The following DACH1 variants were observed in gnomAD, a reference collection of about 807,000 sequenced individuals.
DACH1 encodes the protein dachshund homolog 1.
In DACH1, 12 loss-of-function variants were observed where a neutral mutation model predicts 54.2. That is an observed-to-expected ratio of 0.22 (90% CI 0.14 to 0.36). The LOEUF is 0.36. Among genes scored for constraint, DACH1 ranks in the 10% least tolerant of loss-of-function variants. The probability of loss-of-function intolerance (pLI) is 1.00; values close to 1 mark genes in which losing one functional copy is unlikely to be tolerated. For synonymous variants in DACH1, 386 were observed against 366.2 expected (o/e 1.05, Z -0.62); for missense variants, 805 against 929.8 (o/e 0.87, Z 1.75).
chr13:71,791,595 A>T (rs1490598733), intron 1 of DACH1, among the ~76,000 whole-genome samples: 1 of 151,984 alleles, frequency 6.6e-6, no homozygotes, highest in Non-Finnish European at 1.5e-5. Flanking sequence ...TGTTGGCCAG[A>T]GTGGTCTCCA....
At chr13:71,749,044 G>A (rs536023319) in intron 1 of DACH1, among the ~76,000 whole-genome samples, 1 of 151,010 alleles carries the variant, frequency 6.6e-6, no homozygotes, top group African/African-American at 2.4e-5. Flanking sequence ...GAATACAGTG[G>A]CATGATCTCA....
chr13:71,865,822 G>T (rs1874711207), intron 1 of DACH1, 100 bp downstream of exon 1: 13 of 1,321,998 alleles, frequency 9.8e-6, no homozygotes, highest in Non-Finnish European at 1.2e-5. Context: ...CGCGCGGCTC[G>T]CGGGCGCGCA....
intron 1 of DACH1, among the ~76,000 whole-genome samples, chr13:71,703,503 G>A (rs1357170194): frequency 1.3e-5 from 2 of 152,222 alleles, no homozygotes; most frequent in Non-Finnish European, 2.9e-5. Context: ...TCATAAGCCA[G>A]TGAGATGTTG....
At chr13:71,614,773 G>A (rs1875624682) in intron 3 of DACH1, among the ~76,000 whole-genome samples, 2 of 149,440 alleles carry the variant, frequency 1.3e-5, no homozygotes, top group African/African-American at 4.9e-5. Flanking sequence ...AGGATTACTT[G>A]AGCTCAGCAG....
At chr13:71,718,713 C>A (rs547623337) in intron 1 of DACH1, among the ~76,000 whole-genome samples, 3 of 152,182 alleles carry the variant, frequency 2.0e-5, no homozygotes, top group Non-Finnish European at 4.4e-5. Context: ...TTTAGCTCAC[C>A]CACTGCTGAG....
At chr13:71,441,468 C>G (rs1874000229) in intron 10 of DACH1, among the ~76,000 whole-genome samples, 1 of 152,022 alleles carries the variant, frequency 6.6e-6, no homozygotes, top group South Asian at 2.1e-4. Context: ...ACCCTCTAAA[C>G]TGTCTACTTC....
At chr13:71,538,823 A>G (rs1039432647) in intron 6 of DACH1, among the ~76,000 whole-genome samples, 1 of 152,110 alleles carries the variant, frequency 6.6e-6, no homozygotes, top group African/African-American at 2.4e-5. Flanking sequence ...CACAAGATTC[A>G]GGGTCAGGTT....
intron 1 of DACH1, among the ~76,000 whole-genome samples, chr13:71,840,851 G>A (rs572991416): frequency 6.6e-6 from 1 of 152,264 alleles, no homozygotes; most frequent in Non-Finnish European, 1.5e-5. Flanking sequence ...TGGATGTGAT[G>A]TATGGGCTTG....
At chr13:71,613,641 A>T (rs1875510318) in intron 3 of DACH1, among the ~76,000 whole-genome samples, 1 of 152,132 alleles carries the variant, frequency 6.6e-6, no homozygotes, top group African/African-American at 2.4e-5. Flanking sequence ...GGTTTGGAGG[A>T]AGAATAAACA....
chr13:71,623,845 T>C (rs920217227), intron 3 of DACH1, among the ~76,000 whole-genome samples: 4 of 151,866 alleles, frequency 2.6e-5, no homozygotes, highest in Non-Finnish European at 4.4e-5. Flanking sequence ...CCTGAGTTTT[T>C]GGCTGTGTCT....
At chr13:71,838,120 G>A (rs1269684767) in intron 1 of DACH1, among the ~76,000 whole-genome samples, 1 of 151,194 alleles carries the variant, frequency 6.6e-6, no homozygotes, top group Admixed American at 6.6e-5. Context: ...TTAGTGAAGA[G>A]GTGTAAGAGA....
rs564300635 is a variant in DACH1, at chr13:71,529,353, T to C, written c.1570+27671A>G. On this transcript the variant is annotated intron_variant, in intron 6 of 10. Transcript: ENST00000613252. The stretch of plus-strand genomic sequence containing the variant: ...GGGCGCTTGACACCACGCCCAGCTA[T>C]TTTTTGTATTTTTAGTAGAAATGGG... Among the ~76,000 whole-genome samples, 5 of 151,920 alleles carry C rather than the reference T, an allele frequency of 3.3e-5. No individual in the cohort carries two copies. The South Asian group carries it at 1.0e-3, about 32-fold the overall frequency.
intron 6 of DACH1, among the ~76,000 whole-genome samples, chr13:71,526,065 C>T (rs1002494312): frequency 5.9e-5 from 9 of 152,134 alleles, no homozygotes; most frequent in African/African-American, 1.9e-4. Context: ...TTGCTTTATA[C>T]AATCTGTGTC....
intron 1 of DACH1, among the ~76,000 whole-genome samples, chr13:71,768,028 A>G (rs1319373503): frequency 6.6e-6 from 1 of 152,006 alleles, no homozygotes; most frequent in Non-Finnish European, 1.5e-5. Context: ...TCCTATTATT[A>G]GTAGTATTAA....
chr13:71,508,917 CT>C (rs1880540946), intron 6 of DACH1, among the ~76,000 whole-genome samples: 1 of 152,160 alleles, frequency 6.6e-6, no homozygotes, highest in South Asian at 2.1e-4. Context: ...ATACCACCAT[CT>C]TTGAAATTAT....
chr13:71,734,991 A>AT (rs1257586456), intron 1 of DACH1, among the ~76,000 whole-genome samples: 1 of 149,492 alleles, frequency 6.7e-6, no homozygotes, highest in African/African-American at 2.5e-5. Flanking sequence ...ATATATATAT[A>AT]TATACAGACA....
At chr13:71,571,548 T>G (rs577358382) in intron 4 of DACH1, among the ~76,000 whole-genome samples, 1 of 152,024 alleles carries the variant, frequency 6.6e-6, no homozygotes, top group Non-Finnish European at 1.5e-5. Flanking sequence ...CTCTCTGAGG[T>G]GGTGATCTTT....
intron 2 of DACH1, among the ~76,000 whole-genome samples, chr13:71,636,381 AT>A (rs1213572314): frequency 6.6e-6 from 1 of 152,060 alleles, no homozygotes; most frequent in Non-Finnish European, 1.5e-5. Context: ...TTTAAAGTTC[AT>A]TTTCCAGATG....
intron 10 of DACH1, among the ~76,000 whole-genome samples, chr13:71,466,025 A>C (rs1876533570): frequency 6.6e-6 from 1 of 152,282 alleles, no homozygotes; most frequent in Non-Finnish European, 1.5e-5. Context: ...TTTCTTACAA[A>C]GGTAATCTTA....
Sources: gnomAD v4.1 joint callset for allele counts (sites outside exome capture counted in the v4.1 genomes callset) on GRCh38, gnomAD v4.1.1 for gene constraint, MANE v1.5 for transcripts, NCBI Gene and HGNC (gene_info 2026-07-23, HGNC 2026-07-21) for gene names.